SLC14A2: variants seen among roughly 807,000 people sequenced by gnomAD.
SLC14A2 encodes solute carrier family 14 member 2.
In SLC14A2, 91 loss-of-function variants were observed where a neutral mutation model predicts 104.6. That is an observed-to-expected ratio of 0.87 (90% confidence interval 0.73 to 1.04). The LOEUF is 1.04. SLC14A2 is among the 50% of genes least tolerant of loss of function. The probability of loss-of-function intolerance (pLI) is 0.00; values close to 1 mark genes in which losing one functional copy is unlikely to be tolerated. For missense variants in SLC14A2, 1,189 were observed against 1,156.0 expected (o/e 1.03, Z -0.41); for synonymous variants, 476 against 466.4 (o/e 1.02, Z -0.27).
intron 1 of SLC14A2, among the ~76,000 whole-genome samples, chr18:45,284,409 T>G (rs1752885238): frequency 6.6e-6 from 1 of 152,134 alleles, no homozygotes; most frequent in Non-Finnish European, 1.5e-5. Flanking sequence ...GTTTCTCCCC[T>G]CTCTGTGTTT....
At chr18:45,589,664 G>A (rs942478393) in intron 2 of SLC14A2, among the ~76,000 whole-genome samples, 2 of 152,196 alleles carry the variant, frequency 1.3e-5, no homozygotes, top group African/African-American at 4.8e-5. Flanking sequence ...CTCCCGCTGA[G>A]CCGCCTCCAG....
At chr18:45,560,474 C>T (rs2044186519) in intron 2 of SLC14A2, among the ~76,000 whole-genome samples, 1 of 152,074 alleles carries the variant, frequency 6.6e-6, no homozygotes, top group South Asian at 2.1e-4. Context: ...GGTCTCCAAC[C>T]CTCTCAACAG....
intron 2 of SLC14A2, among the ~76,000 whole-genome samples, chr18:45,549,443 C>T (rs2044022966): frequency 6.6e-6 from 1 of 152,238 alleles, no homozygotes; most frequent in African/African-American, 2.4e-5. Context: ...GCAGCCCCAG[C>T]TCTGCCTTCC....
Position 45,660,192 on chromosome 18 carries a change from G to A in SLC14A2, c.1352-3593G>A, listed in dbSNP as rs577392678. Among the ~76,000 whole-genome samples, 47 of 152,244 alleles carry A rather than the reference G, an allele frequency of 3.1e-4. No individual in the cohort carries two copies. In the South Asian group the frequency reaches 8.7e-3, roughly 28 times the overall value. ...TCAGTAATGTGTTCAACAAACTACA[G>A]TATACCACATTCATGATAGTTAGTG... On this transcript the variant is annotated intron_variant, in intron 10 of 19. Coordinates refer to ENST00000255226, the MANE Select transcript of SLC14A2 (RefSeq NM_007163.4).
intron 2 of SLC14A2, among the ~76,000 whole-genome samples, chr18:45,498,587 C>T (rs763491310): frequency 3.9e-5 from 6 of 152,172 alleles, no homozygotes; most frequent in Non-Finnish European, 7.3e-5. Context: ...CCTCCCATCT[C>T]CACTCCTGTT....
At chr18:45,447,610 A>G (rs1269172216) in intron 1 of SLC14A2, 1 of 152,210 alleles carries the variant, frequency 6.6e-6, no homozygotes, top group Non-Finnish European at 1.5e-5. Flanking sequence ...ATTGTAATAT[A>G]TTTGAAAAAT....
intron 2 of SLC14A2, among the ~76,000 whole-genome samples, chr18:45,597,070 C>G (rs747661572): frequency 9.8e-5 from 15 of 152,326 alleles, no homozygotes; most frequent in South Asian, 2.1e-4. Flanking sequence ...CTCATGCCAG[C>G]ACGTTGGGAG....
Position 45,637,123 on chromosome 18 carries a change from C to G in SLC14A2, c.784C>G (p.Leu262Val). ...CTACAACCTCTTCTTCCCCACAACA[C>G]TGGTAGAGCCTGTGTCTTCAGTGCC... ...GHYNLFFPTT[L>V]VEPVSSVPNI... is the part of the protein sequence containing the mutation. Residue 262 changes from leucine (L) to valine (V), a missense_variant, in exon 6 of 20, where the codon CTG (leucine) becomes GTG (valine). Leu to Val is a conservative substitution (Grantham distance 32). Coordinates refer to ENST00000255226, the MANE Select transcript of SLC14A2 (RefSeq NM_007163.4). The G allele has an allele frequency of 6.2e-7, 1 of 1,614,216 alleles. No individual in the cohort carries two copies. Among genetic ancestry groups the G allele is most frequent in the Non-Finnish European group, 8.5e-7 (1 of 1,180,026 alleles).
chr18:45,652,002 A>T (rs2045746881), intron 10 of SLC14A2, among the ~76,000 whole-genome samples: 1 of 152,238 alleles, frequency 6.6e-6, no homozygotes, highest in Non-Finnish European at 1.5e-5. Flanking sequence ...TCTGCCTGTC[A>T]GGAAACTGTC....
intron 1 of SLC14A2, among the ~76,000 whole-genome samples, chr18:45,361,420 C>G (rs959516572): frequency 6.6e-6 from 1 of 152,150 alleles, no homozygotes; most frequent in East Asian, 1.9e-4. Context: ...TGGTCCTACC[C>G]AGCTCCCACC....
At chr18:45,440,446 C>T (rs989607184) in intron 1 of SLC14A2, 2 of 152,178 alleles carry the variant, frequency 1.3e-5, no homozygotes, top group Non-Finnish European at 2.9e-5. Flanking sequence ...AGAGCTGTTC[C>T]AGCTTGTTGG....
intron 1 of SLC14A2, among the ~76,000 whole-genome samples, chr18:45,458,763 C>T (rs1426062571): frequency 6.6e-6 from 1 of 152,066 alleles, no homozygotes; most frequent in African/African-American, 2.4e-5. Context: ...CCTCTGAGTC[C>T]CAGTGTCCTC....
At chr18:45,469,603 T>C (rs962203992) in intron 1 of SLC14A2, among the ~76,000 whole-genome samples, 4 of 152,168 alleles carry the variant, frequency 2.6e-5, no homozygotes, top group Non-Finnish European at 5.9e-5. Flanking sequence ...TTAGTGCCAG[T>C]GTGGTGTAAG....
chr18:45,625,710 C>T lies in SLC14A2; in HGVS notation c.178C>T (p.His60Tyr). The T allele has an allele frequency of 1.3e-6, 2 of 1,560,488 alleles. No individual in the cohort carries two copies. The highest frequency in any genetic ancestry group is 1.7e-6 in the Non-Finnish European group (2 of 1,158,894). ...TCTCCGGTCTTCCAATGAAGACAGT[C>T]ACATTGTGAAGATCGAAAAGCTCAA... ...KDLRSSNEDS[H>Y]IVKIEKLNER... The change falls in exon 3 of 20, where the codon CAC becomes TAC. Residue 60 changes from histidine (H) to tyrosine (Y), a missense_variant. His to Tyr is a moderately conservative substitution (Grantham distance 83). Transcript: ENST00000255226.
chr18:45,669,530 T>C, intron 16 of SLC14A2, 32 bp downstream of exon 16: 4 of 1,554,614 alleles, frequency 2.6e-6, no homozygotes, highest in Non-Finnish European at 2.6e-6. Context: ...AGGGCAGGTC[T>C]GTCCACACTG....
rs143988909 is a variant in SLC14A2 at position 45,604,240 on chromosome 18, C to T, written c.-34-20391C>T. ...GATGCAAAAAAGTCATTTCTCACTG[C>T]GTTCTAAATGATGAAATTGGTGTGA... On this transcript the variant is annotated intron_variant, in intron 2 of 20. Coordinates refer to the SLC14A2 transcript ENST00000586448. 1.1e-4 allele frequency among the ~76,000 whole-genome samples: 17 copies of T among 152,222 alleles called. No individual in the cohort carries two copies. The East Asian group carries it at 2.9e-3, about 26-fold the overall frequency.
intron 1 of SLC14A2, among the ~76,000 whole-genome samples, chr18:45,365,526 A>G (rs2085657547): frequency 6.6e-6 from 1 of 152,222 alleles, no homozygotes; most frequent in South Asian, 2.1e-4. Context: ...ACACAAAGAA[A>G]ATTCATAACC....
chr18:45,236,299 A>ATG (rs562495252), intron 1 of SLC14A2, among the ~76,000 whole-genome samples: 625 of 46,242 alleles, frequency 0.014, 134 homozygotes, highest in South Asian at 0.019. Flanking sequence ...ATATACATGT[A>ATG]TGTGTGTATA....
At chr18:45,269,581 A>G (rs1251375648) in intron 1 of SLC14A2, among the ~76,000 whole-genome samples, 2 of 152,062 alleles carry the variant, frequency 1.3e-5, no homozygotes, top group African/African-American at 4.8e-5. Flanking sequence ...GATGAAATAG[A>G]TGAAATGCCT....
Sources: allele counts gnomAD v4.1 joint callset (sites outside exome capture counted in the v4.1 genomes callset), GRCh38; gene constraint gnomAD v4.1.1; transcripts MANE v1.5; gene names NCBI Gene and HGNC (gene_info 2026-07-23, HGNC 2026-07-21).